RFX8: variants seen among roughly 807,000 people sequenced by gnomAD.
The protein encoded by RFX8 is regulatory factor X8.
RFX8 carries 46 observed loss-of-function variants against 54.6 expected under a neutral mutation model. The ratio of observed to expected loss-of-function variants is 0.84; its 90% CI spans 0.67 to 1.08. RFX8 has a LOEUF of 1.08. Among genes scored for constraint, RFX8 ranks in the 50% least tolerant of loss-of-function variants. RFX8 has a pLI of 0.00. For synonymous variants in RFX8, 192 were observed against 209.5 expected (o/e 0.92, Z 0.72); for missense variants, 536 against 562.3 (o/e 0.95, Z 0.47).
chr2:101,410,842 A>G, intron 8 of RFX8, 129 bp from the exon 9 acceptor site: 1 of 600,014 alleles, frequency 1.7e-6, no homozygotes, highest in Non-Finnish European at 3.0e-6. Context: ...CCAGGGCCTC[A>G]TGCTCATTGT....
intron 11 of RFX8, among the ~76,000 whole-genome samples, chr2:101,399,968 C>T (rs1168531420): frequency 6.6e-6 from 1 of 152,144 alleles, no homozygotes; most frequent in Non-Finnish European, 1.5e-5. Context: ...GTGTAAATTC[C>T]TGTTCTCCCA....
chr2:101,453,487 A>C (rs1688809966), intron 2 of RFX8, among the ~76,000 whole-genome samples: 1 of 151,326 alleles, frequency 6.6e-6, no homozygotes, highest in African/African-American at 2.4e-5. Context: ...AAAATACAAA[A>C]ATTAGCCGGG....
At chr2:101,426,747 G>A (rs1687193691) in intron 2 of RFX8, among the ~76,000 whole-genome samples, 1 of 152,114 alleles carries the variant, frequency 6.6e-6, no homozygotes, top group Non-Finnish European at 1.5e-5. Flanking sequence ...AGTCTGATGT[G>A]TGCCACCTTT....
At chr2:101,420,707 C>A (rs1040052136) in intron 4 of RFX8, among the ~76,000 whole-genome samples, 1 of 152,208 alleles carries the variant, frequency 6.6e-6, no homozygotes, top group Non-Finnish European at 1.5e-5. Context: ...CTGTCTATTG[C>A]ACCTCTGCCT....
intron 2 of RFX8, among the ~76,000 whole-genome samples, chr2:101,460,581 G>C (rs1689213221): frequency 6.6e-6 from 1 of 152,026 alleles, no homozygotes; most frequent in African/African-American, 2.4e-5. Context: ...CATGCATGTT[G>C]AGAGTGGAAA....
At chr2:101,447,967 G>A (rs1259528626) in intron 2 of RFX8, among the ~76,000 whole-genome samples, 1 of 152,218 alleles carries the variant, frequency 6.6e-6, no homozygotes, top group African/African-American at 2.4e-5. Flanking sequence ...ATGGCAGAAG[G>A]CAGAAGGATG....
intron 2 of RFX8, among the ~76,000 whole-genome samples, chr2:101,424,250 AACAG>A (rs1553454062): frequency 1.3e-5 from 2 of 152,228 alleles, no homozygotes; most frequent in Non-Finnish European, 2.9e-5. Flanking sequence ...TTATGCAGCC[AACAG>A]ACACATGAAA....
intron 9 of RFX8, among the ~76,000 whole-genome samples, chr2:101,409,866 C>T (rs1203502430): frequency 6.6e-6 from 1 of 152,094 alleles, no homozygotes; most frequent in African/African-American, 2.4e-5. Context: ...GAGTGAAGGG[C>T]CGTGGCCTCT....
chr2:101,471,882 G>A (rs76913368), intron 1 of RFX8, among the ~76,000 whole-genome samples: 1 of 152,184 alleles, frequency 6.6e-6, no homozygotes, highest in Non-Finnish European at 1.5e-5. Context: ...GAAGTAATGT[G>A]GAAAATGGCA....
intron 2 of RFX8, among the ~76,000 whole-genome samples, chr2:101,447,320 G>A (rs1384045982): frequency 2.0e-5 from 3 of 152,122 alleles, no homozygotes; most frequent in African/African-American, 7.2e-5. Context: ...AGCTATTTCA[G>A]TGCCCACTCT....
At chr2:101,437,942 G>C (rs754478492) in intron 2 of RFX8, among the ~76,000 whole-genome samples, 1 of 152,070 alleles carries the variant, frequency 6.6e-6, no homozygotes, top group Non-Finnish European at 1.5e-5. Flanking sequence ...TTTATAAATG[G>C]ACTCATATGC....
chr2:101,443,737 G>A (rs12712103), intron 2 of RFX8, among the ~76,000 whole-genome samples: 115,008 of 151,958 alleles, frequency 0.76, 44,481 homozygotes, highest in Middle Eastern at 0.88. Flanking sequence ...AGTCTGTTAC[G>A]TCAATAGGTG....
At chr2:101,403,742 G>A (rs528760327) in intron 10 of RFX8, among the ~76,000 whole-genome samples, 5 of 152,230 alleles carry the variant, frequency 3.3e-5, no homozygotes, top group African/African-American at 9.6e-5. Flanking sequence ...AGCCAAGATC[G>A]CACCATTGCA....
intron 2 of RFX8, among the ~76,000 whole-genome samples, chr2:101,443,132 GA>G (rs1688189519): frequency 6.6e-6 from 1 of 152,156 alleles, no homozygotes; most frequent in African/African-American, 2.4e-5. Context: ...TCAGGCTTGG[GA>G]AACATTGAGT....
At chr2:101,469,056 GTATATATA>G (rs199839710) in intron 1 of RFX8, among the ~76,000 whole-genome samples, 16 of 10,624 alleles carry the variant, frequency 1.5e-3, no homozygotes, top group Non-Finnish European at 3.4e-3. Flanking sequence ...ATATATATAC[GTATATATA>G]TGTATATATA....
intron 2 of RFX8, among the ~76,000 whole-genome samples, chr2:101,432,612 T>C (rs1216074881): frequency 2.0e-5 from 3 of 152,152 alleles, no homozygotes; most frequent in African/African-American, 7.2e-5. Context: ...GGGACAGCTT[T>C]GTGTCTTTGG....
chr2:101,454,299 A>G (rs1267902831), intron 2 of RFX8, among the ~76,000 whole-genome samples: 1 of 152,160 alleles, frequency 6.6e-6, no homozygotes, highest in Non-Finnish European at 1.5e-5. Flanking sequence ...TCTATCATTG[A>G]TGGTCATATG....
rs529328577 is a variant in RFX8 at position 101,397,479 on chromosome 2, C to T, written c.*69G>A. 2.9e-6 allele frequency: 3 copies of T among 1,048,702 alleles called. No homozygotes were observed. The South Asian group carries it at 5.8e-5, about 20-fold the overall frequency. 65.0% of individuals were successfully genotyped at this position (1,048,702 alleles called of 1,614,324 possible). On this transcript the variant is annotated 3_prime_UTR_variant, in exon 12 of 12. Transcript: ENST00000428343. ...ACATCATCTTTCGTCAATAGAAAAA[C>T]TTTAGTATTTAATATTTTTAAGAAT... is the stretch of plus-strand genomic sequence containing the variant.
chr2:101,429,268 A>G (rs1276324116), intron 2 of RFX8, among the ~76,000 whole-genome samples: 2 of 152,256 alleles, frequency 1.3e-5, no homozygotes, highest in African/African-American at 2.4e-5. Context: ...AGAATATGAT[A>G]TCGTCATGGG....
Sources: allele counts gnomAD v4.1 joint callset (sites outside exome capture counted in the v4.1 genomes callset), GRCh38; gene constraint gnomAD v4.1.1; transcripts MANE v1.5; gene names NCBI Gene and HGNC (gene_info 2026-07-23, HGNC 2026-07-21).